The following CSMD1 variants were observed in gnomAD, a reference collection of about 807,000 sequenced individuals.
CSMD1 encodes CUB and sushi domain-containing protein 1.
Under a neutral mutation model 417.5 loss-of-function variants are expected in CSMD1, and 213 were observed. The ratio of observed to expected loss-of-function variants is 0.51; its 90% CI spans 0.46 to 0.57. The LOEUF is 0.57. CSMD1 is among the 20% of genes least tolerant of loss of function. The pLI is 0.00. For synonymous variants in CSMD1, 2,862 were observed against 1,736.8 expected, an observed-to-expected ratio of 1.65 and a Z score of -16.11; for missense variants, 6,923 against 4,529.7, an observed-to-expected ratio of 1.53 and a Z score of -15.17.
intron 7 of CSMD1, among the ~76,000 whole-genome samples, chr8:3,662,843 TA>T (rs1373437047): frequency 6.6e-6 from 1 of 150,402 alleles, no homozygotes; most frequent in African/African-American, 2.5e-5. Flanking sequence ...TGTCGGTGGG[TA>T]GGGGGAAAGA....
intron 4 of CSMD1, among the ~76,000 whole-genome samples, chr8:4,011,662 C>T (rs2130438442): frequency 6.6e-6 from 1 of 152,280 alleles, no homozygotes; most frequent in South Asian, 2.1e-4. Context: ...TCCTACACTT[C>T]CTAAATTTTT....
At chr8:3,780,112 G>A (rs1207865639) in intron 5 of CSMD1, among the ~76,000 whole-genome samples, 1 of 152,174 alleles carries the variant, frequency 6.6e-6, no homozygotes, top group Non-Finnish European at 1.5e-5. Context: ...TGCATTAGAA[G>A]GCTTGCGCTG....
intron 49 of CSMD1, among the ~76,000 whole-genome samples, chr8:3,070,473 T>C (rs1361537204): frequency 6.6e-6 from 1 of 152,184 alleles, no homozygotes; most frequent in African/African-American, 2.4e-5. Flanking sequence ...TTTGCTGCTT[T>C]GAAATTTCTT....
chr8:4,673,494 T>C (rs1268662015), intron 1 of CSMD1, among the ~76,000 whole-genome samples: 1 of 152,174 alleles, frequency 6.6e-6, no homozygotes. Context: ...AAATGATTGC[T>C]ATGTGTTTTG....
At chr8:3,072,321 A>T (rs983878526) in intron 49 of CSMD1, among the ~76,000 whole-genome samples, 1 of 152,222 alleles carries the variant, frequency 6.6e-6, no homozygotes, top group African/African-American at 2.4e-5. Flanking sequence ...CAATCCACAA[A>T]ACAAATGCTC....
chr8:3,443,635 G>A (rs1329418179), intron 12 of CSMD1, among the ~76,000 whole-genome samples: 2 of 152,172 alleles, frequency 1.3e-5, no homozygotes, highest in Non-Finnish European at 2.9e-5. Context: ...AGAGTTGACT[G>A]TGGAATATCA....
rs373256655 is a variant in CSMD1 at position 3,350,223 on chromosome 8, C to T, written c.3305-2062G>A. 4.9e-4 allele frequency among the ~76,000 whole-genome samples: 63 copies of T among 128,276 alleles called. 2 individuals are homozygous for T. In the South Asian group the frequency reaches 9.1e-3, roughly 18 times the overall value. 84.2% of individuals were successfully genotyped at this position (128,276 alleles called of 152,430 possible). On this transcript the variant is annotated intron_variant, in intron 21 of 69. Transcript: ENST00000635120. The stretch of plus-strand genomic sequence containing the variant: ...GTGTGTGTTATAATACCTATAATAA[C>T]CTATAATAACTTGTGTATGTGTGTG...
intron 3 of CSMD1, among the ~76,000 whole-genome samples, chr8:4,194,024 A>T (rs1161449982): frequency 6.6e-6 from 1 of 152,146 alleles, no homozygotes; most frequent in African/African-American, 2.4e-5. Flanking sequence ...TTGATATTTA[A>T]GGCATGATAT....
intron 8 of CSMD1, among the ~76,000 whole-genome samples, chr8:3,598,697 A>C (rs1317736011): frequency 6.6e-6 from 1 of 152,180 alleles, no homozygotes; most frequent in South Asian, 2.1e-4. Context: ...GTTGCCTTGG[A>C]TGCTAAAAAC....
intron 55 of CSMD1, among the ~76,000 whole-genome samples, chr8:2,977,378 T>C (rs1167216866): frequency 6.6e-6 from 1 of 152,238 alleles, no homozygotes; most frequent in Non-Finnish European, 1.5e-5. Context: ...TGCATTAGTT[T>C]GCAGAGGATA....
intron 12 of CSMD1, among the ~76,000 whole-genome samples, chr8:3,432,447 T>C (rs1814274446): frequency 6.6e-6 from 1 of 151,994 alleles, no homozygotes; most frequent in Non-Finnish European, 1.5e-5. Flanking sequence ...GAAATGATAA[T>C]TTTTAGAAAA....
chr8:3,627,396 A>T (rs1312794731), intron 7 of CSMD1, among the ~76,000 whole-genome samples: 1 of 152,218 alleles, frequency 6.6e-6, no homozygotes, highest in Non-Finnish European at 1.5e-5. Context: ...CCTTAAAGAA[A>T]TCACGGCATA....
chr8:2,936,594 G>A lies in CSMD1; in HGVS notation c.*1991C>T, dbSNP rs1047448189. ...TCCAAGGATGTGGGCAGGTTGGCCA[G>A]GGAAAACTGTGCAGAGAATTCAGCA... On this transcript the variant is annotated 3_prime_UTR_variant, in exon 70 of 70. Transcript: ENST00000635120. 1 of 152,122 alleles carries A rather than the reference G, an allele frequency of 6.6e-6. No individual in the cohort carries two copies. The highest frequency in any genetic ancestry group is 6.6e-5 in the Admixed American group (1 of 15,256). The allele number at this position is 152,122 out of a possible 1,614,324, so 9.4% of individuals were successfully genotyped here. A position where few individuals can be genotyped will look rare whatever the true frequency, so the allele number is the denominator to read the frequency against.
Position 3,284,357 on chromosome 8 carries a change from G to C in CSMD1, c.3951-11C>G, listed in dbSNP as rs982958891. Reference sequence around the variant, plus strand: ...ACAATGAAATGGAGGCTGCAAGAGAGAACACAGTAGCGCTACTTGCCGTGC... The same window carrying C: ...ACAATGAAATGGAGGCTGCAAGAGACAACACAGTAGCGCTACTTGCCGTGC... On this transcript the variant is annotated splice_polypyrimidine_tract_variant and intron_variant, in intron 25 of 69. Coordinates refer to ENST00000635120, the MANE Select transcript of CSMD1 (RefSeq NM_033225.6). 1.9e-6 allele frequency: 3 copies of C among 1,602,490 alleles called. No individual in the cohort carries two copies. Among genetic ancestry groups the C allele is most frequent in the Non-Finnish European group, 2.6e-6 (3 of 1,170,696 alleles).
At chr8:4,190,470 A>G (rs1798956426) in intron 3 of CSMD1, among the ~76,000 whole-genome samples, 1 of 151,976 alleles carries the variant, frequency 6.6e-6, no homozygotes, top group South Asian at 2.1e-4. Context: ...ACACTATTAG[A>G]GTATTTCGTA....
intron 5 of CSMD1, among the ~76,000 whole-genome samples, chr8:3,830,547 G>C (rs559496117): frequency 1.3e-5 from 2 of 152,122 alleles, no homozygotes; most frequent in African/African-American, 4.8e-5. Flanking sequence ...AGACCTCCTG[G>C]CATGTAGAAA....
chr8:4,158,006 A>T (rs923692224), intron 3 of CSMD1, among the ~76,000 whole-genome samples: 1 of 151,938 alleles, frequency 6.6e-6, no homozygotes, highest in Admixed American at 6.6e-5. Context: ...TTCCTGCTCA[A>T]CTGCCCCCAT....
chr8:4,334,974 C>T (rs753275651), intron 3 of CSMD1, among the ~76,000 whole-genome samples: 25 of 152,224 alleles, frequency 1.6e-4, no homozygotes, highest in Admixed American at 8.5e-4. Flanking sequence ...AACCAGTGTC[C>T]TCCAGGCTTG....
intron 2 of CSMD1, among the ~76,000 whole-genome samples, chr8:4,633,784 C>T (rs767668506): frequency 6.6e-6 from 1 of 151,938 alleles, no homozygotes; most frequent in Admixed American, 6.6e-5. Context: ...TGGTCTCAAA[C>T]TCCTGACCTC....
Sources: allele counts gnomAD v4.1 joint callset (sites outside exome capture counted in the v4.1 genomes callset), GRCh38; gene constraint gnomAD v4.1.1; transcripts MANE v1.5; gene names NCBI Gene and HGNC (gene_info 2026-07-23, HGNC 2026-07-21).